Variants in EMILIN2 observed in about 807,000 individuals in gnomAD.
The protein encoded by EMILIN2 is elastin microfibril interfacer 2, also known as EMILIN-2.
In EMILIN2, 71 loss-of-function variants were observed where a neutral mutation model predicts 87.1. The observed-to-expected ratio is 0.82, with a 90% CI of 0.67 to 0.99. The LOEUF (loss-of-function observed/expected upper bound fraction) is 0.99, where lower values mean the gene tolerates loss of function less well. EMILIN2 is among the 50% of genes least tolerant of loss of function. EMILIN2 has a pLI of 0.00. For missense variants in EMILIN2, 1,407 were observed against 1,371.8 expected (o/e 1.03, Z -0.40); for synonymous variants, 581 against 563.4 (o/e 1.03, Z -0.44).
intron 6 of EMILIN2, 22 bp downstream of exon 6, chr18:2,908,997 G>C (rs771539741): frequency 6.2e-7 from 1 of 1,612,932 alleles, no homozygotes; most frequent in South Asian, 1.1e-5. Flanking sequence ...GAGAGACCAG[G>C]AGCAGGAGGA....
At chr18:2,849,010 A>G (rs1463368014) in intron 2 of EMILIN2, among the ~76,000 whole-genome samples, 1 of 152,212 alleles carries the variant, frequency 6.6e-6, no homozygotes, top group Non-Finnish European at 1.5e-5. Flanking sequence ...CTGCTCGGCA[A>G]AAACAAAGTA....
Position 2,892,631 on chromosome 18 carries a change from C to A in EMILIN2, c.2359+145C>A, listed in dbSNP as rs943270609. 46 of 1,194,516 alleles carry A rather than the reference C, an allele frequency of 3.9e-5. No homozygotes were observed. In the African/African-American group the frequency reaches 6.3e-4, roughly 16 times the overall value. 74.0% of individuals were successfully genotyped at this position (1,194,516 alleles called of 1,614,324 possible). A position where few individuals can be genotyped will look rare whatever the true frequency, so the allele number is the denominator to read the frequency against. ...GTATTATGCTAGATTTTGGACAGTT[C>A]ACGGAATGAACTAAATGCCATCAGT... On this transcript the variant is annotated intron_variant, in intron 4 of 7. Transcript: ENST00000254528.
rs994243229 is a variant in EMILIN2 at position 2,890,227 on chromosome 18, G to A, written c.434-334G>A. 2.0e-5 allele frequency among the ~76,000 whole-genome samples: 3 copies of A among 152,176 alleles called. No individual in the cohort carries two copies. Among genetic ancestry groups the A allele is most frequent in the Non-Finnish European group, 2.9e-5 (2 of 68,034 alleles). On this transcript the variant is annotated intron_variant, in intron 3 of 7. Transcript: ENST00000254528. The surrounding 1 kb of genome is among the most constrained non-coding windows in gnomAD (Gnocchi z 4.7). Reference sequence around the variant, plus strand: ...ATGAATATTTCCCCTCAGGGTGAAAGAGACCATTGATTATCTAATAGGTGT... The same window carrying A: ...ATGAATATTTCCCCTCAGGGTGAAAAAGACCATTGATTATCTAATAGGTGT...
chr18:2,855,851 T>C (rs908111410), intron 2 of EMILIN2, among the ~76,000 whole-genome samples: 1 of 152,194 alleles, frequency 6.6e-6, no homozygotes, highest in South Asian at 2.1e-4. Context: ...AATTGCGCTG[T>C]CACACTAACG....
rs150696850 is a variant in EMILIN2 at position 2,872,050 on chromosome 18, A to C, written c.258-12914A>C. ...GTCTGATGTAACTGATCTTTGGCCA[A>C]GCTGGGACTAGTGCACCTCAGTTGT... On this transcript the variant is annotated intron_variant, in intron 2 of 7. Transcript: ENST00000254528. 9.8e-5 allele frequency among the ~76,000 whole-genome samples: 15 copies of C among 152,350 alleles called. No individual in the cohort carries two copies. In the East Asian group the frequency reaches 2.9e-3, roughly 29 times the overall value.
chr18:2,911,452 G>C (rs1462182335), intron 7 of EMILIN2, among the ~76,000 whole-genome samples: 3 of 152,220 alleles, frequency 2.0e-5, no homozygotes, highest in African/African-American at 7.2e-5. Context: ...CCCAACTCCG[G>C]AGATCTTATC....
chr18:2,867,304 A>T (rs916602379), intron 2 of EMILIN2, among the ~76,000 whole-genome samples: 1 of 151,370 alleles, frequency 6.6e-6, no homozygotes, highest in Non-Finnish European at 1.5e-5. Flanking sequence ...TTTATTTTTT[A>T]TTTTTTTAAG....
At chr18:2,907,608 C>T (rs2076920976) in intron 5 of EMILIN2, among the ~76,000 whole-genome samples, 1 of 152,158 alleles carries the variant, frequency 6.6e-6, no homozygotes, top group South Asian at 2.1e-4. Context: ...GGAAGTGCTC[C>T]CCATGAGTTG....
At chr18:2,872,287 G>T (rs1176445558) in intron 2 of EMILIN2, among the ~76,000 whole-genome samples, 2 of 152,002 alleles carry the variant, frequency 1.3e-5, no homozygotes, top group African/African-American at 2.4e-5. Context: ...ATCTGGGTTG[G>T]GTTTTCAATT....
chr18:2,889,646 G>T (rs2144034571), intron 3 of EMILIN2, among the ~76,000 whole-genome samples: 1 of 145,164 alleles, frequency 6.9e-6, no homozygotes, highest in South Asian at 2.2e-4. Context: ...CTCAAAATAA[G>T]ATTACCCAAA....
intron 2 of EMILIN2, among the ~76,000 whole-genome samples, chr18:2,857,189 T>C (rs1045295956): frequency 6.6e-6 from 1 of 152,232 alleles, no homozygotes; most frequent in African/African-American, 2.4e-5. Context: ...TATTTTATTA[T>C]GTGTTTGGTT....
chr18:2,861,799 A>G (rs1263003831), intron 2 of EMILIN2, among the ~76,000 whole-genome samples: 3 of 152,206 alleles, frequency 2.0e-5, no homozygotes, highest in Admixed American at 6.5e-5. Context: ...TGGGGATGGC[A>G]TTGAATCTCT....
At position 2,891,157 on chromosome 18, in the gene EMILIN2, T is replaced by C. The variant is rs768321039; in HGVS notation, c.1030T>C (p.Cys344Arg). Residue 344 changes from cysteine to arginine, a missense_variant, in exon 4 of 8, where the codon TGT (cysteine) becomes CGT (arginine). By Grantham distance (180) the Cys-to-Arg change is radical. Transcript: ENST00000254528. This position sits in a 1 kb window ranked among gnomAD's most constrained non-coding sequence, Gnocchi z 4.6. Reference sequence around the variant, plus strand: ...AAAGCTGGCTGACCTGAAAAACTCATGTGAGTACAAGCTCACTGGCCTCCA... The same window carrying C: ...AAAGCTGGCTGACCTGAAAAACTCACGTGAGTACAAGCTCACTGGCCTCCA... ...DRKLADLKNS[C>R]EYKLTGLQQQ... is the part of the protein sequence containing the mutation. The C allele has an allele frequency of 5.0e-6, 8 of 1,614,170 alleles. No homozygotes were observed. The Admixed American group carries it at 5.0e-5, about 10-fold the overall frequency.
intron 7 of EMILIN2, among the ~76,000 whole-genome samples, chr18:2,912,007 T>C (rs2076943092): frequency 6.6e-6 from 1 of 150,894 alleles, no homozygotes; most frequent in Non-Finnish European, 1.5e-5. Context: ...CAGAGCAGAT[T>C]GAAGGCTTGG....
chr18:2,905,411 T>A (rs1408283972), intron 4 of EMILIN2, among the ~76,000 whole-genome samples: 1 of 152,024 alleles, frequency 6.6e-6, no homozygotes, highest in Non-Finnish European at 1.5e-5. Flanking sequence ...ACATGAGGTA[T>A]TTTGATACAG....
At chr18:2,907,669 T>G (rs1338974317) in intron 5 of EMILIN2, among the ~76,000 whole-genome samples, 2 of 152,006 alleles carry the variant, frequency 1.3e-5, no homozygotes, top group Non-Finnish European at 2.9e-5. Flanking sequence ...GGTGTCAGAG[T>G]AGAGACAGGA....
intron 2 of EMILIN2, among the ~76,000 whole-genome samples, chr18:2,872,664 T>G (rs886364584): frequency 6.6e-6 from 1 of 152,232 alleles, no homozygotes; most frequent in Non-Finnish European, 1.5e-5. Flanking sequence ...GTGTGACCTT[T>G]ACATGTTTTT....
rs181912257 is a variant in EMILIN2 at position 2,860,395 on chromosome 18, A to G, written c.257+12464A>G. 9.9e-5 allele frequency among the ~76,000 whole-genome samples: 15 copies of G among 151,728 alleles called. No homozygotes were observed. The East Asian group carries it at 2.9e-3, about 29-fold the overall frequency. ...AATGCTATCCCTCCCACTTCCCCCAACCCCACAACAGGCCCCAGTGTGTGA... is the reference window on the plus strand; with the variant it reads ...AATGCTATCCCTCCCACTTCCCCCAGCCCCACAACAGGCCCCAGTGTGTGA... On this transcript the variant is annotated intron_variant, in intron 2 of 7. Transcript: ENST00000254528.
intron 2 of EMILIN2, among the ~76,000 whole-genome samples, chr18:2,858,271 A>G (rs1353851387): frequency 6.6e-6 from 1 of 151,328 alleles, no homozygotes; most frequent in Non-Finnish European, 1.5e-5. Context: ...CTTGAGCAGT[A>G]TACACGGAAC....
Sources: gnomAD v4.1 joint callset for allele counts (sites outside exome capture counted in the v4.1 genomes callset) on GRCh38, gnomAD v4.1.1 for gene constraint, Gnocchi (gnomAD v3.1) non-coding constraint, MANE v1.5 for transcripts, NCBI Gene and HGNC (gene_info 2026-07-23, HGNC 2026-07-21) for gene names.